PCDHA4: variants seen among roughly 807,000 people sequenced by gnomAD.
The protein encoded by PCDHA4 is protocadherin alpha-4.
PCDHA4 carries 49 observed loss-of-function variants against 61.4 expected under a neutral mutation model. The ratio of observed to expected loss-of-function variants is 0.80; its 90% CI spans 0.63 to 1.01. The LOEUF is 1.01. PCDHA4 is among the 50% of genes least tolerant of loss of function. The probability of loss-of-function intolerance (pLI) is 0.00; values close to 1 mark genes in which losing one functional copy is unlikely to be tolerated. For synonymous variants in PCDHA4, 590 were observed against 550.3 expected (o/e 1.07, Z -1.01); for missense variants, 1,254 against 1,235.8 (o/e 1.01, Z -0.22).
intron 1 of PCDHA4, chr5:140,828,067 G>T (rs2150150517): frequency 6.4e-7 from 1 of 1,560,564 alleles, no homozygotes; most frequent in Admixed American, 2.0e-5. Flanking sequence ...ATCTTCTAAT[G>T]GAAATAAAAC....
rs150822529 is a variant in PCDHA4 at position 140,836,094 on chromosome 5, G to A, written c.2385+26522G>A. 2.0e-4 allele frequency: 328 copies of A among 1,613,708 alleles called. No individual in the cohort carries two copies. Among genetic ancestry groups the A allele is most frequent in the Admixed American group, 3.7e-4 (22 of 60,012 alleles). ...GCCGGCACTGCTGGCGCCTCGGGTG[G>A]GTGGCACTGGTGGCGCAGTGAGAGA... On this transcript the variant is annotated intron_variant, in intron 1 of 3. Transcript: ENST00000530339.
At chr5:140,852,257 T>G (rs1417638818) in intron 1 of PCDHA4, 1 of 512,112 alleles carries the variant, frequency 2.0e-6, no homozygotes, top group Non-Finnish European at 2.6e-6. Context: ...TTTTGGAATA[T>G]GCTACAATAT....
chr5:140,937,071 T>G (rs2091308048), intron 1 of PCDHA4, among the ~76,000 whole-genome samples: 1 of 147,932 alleles, frequency 6.8e-6, no homozygotes, highest in African/African-American at 2.5e-5. Context: ...GGAGTCTCGC[T>G]CTGTCGCCCA....
chr5:140,988,403 C>T (rs1054317981), intron 3 of PCDHA4, among the ~76,000 whole-genome samples: 3 of 152,036 alleles, frequency 2.0e-5, no homozygotes, highest in African/African-American at 4.8e-5. Context: ...GAGTTCTCTT[C>T]GCAGCTTATG....
At position 140,807,738 on chromosome 5, in the gene PCDHA4, C is replaced by T. The variant is rs1764021976; in HGVS notation, c.551C>T (p.Pro184Leu). 1 of 1,614,082 alleles carries T rather than the reference C, an allele frequency of 6.2e-7. No homozygotes were observed. Among genetic ancestry groups the T allele is most frequent in the African/African-American group, 1.3e-5 (1 of 74,928 alleles). ...GAATACTTTTCTCTGGAAAAACCAC[C>T]TGATGACGAGCTGGTAAAAGGTCTT... ...PNEYFSLEKPPDDELVKGLGL... is the reference protein window; with the variant it reads ...PNEYFSLEKPLDDELVKGLGL... The change falls in exon 1 of 4, where the codon CCT (proline) becomes CTT (leucine). Residue 184 changes from proline to leucine, a missense_variant. By Grantham distance (98) the Pro-to-Leu change is moderately conservative. Coordinates refer to ENST00000530339, the MANE Select transcript of PCDHA4 (RefSeq NM_018907.4).
intron 3 of PCDHA4, among the ~76,000 whole-genome samples, chr5:140,998,021 C>T (rs2097794085): frequency 6.6e-6 from 1 of 152,152 alleles, no homozygotes; most frequent in Non-Finnish European, 1.5e-5. Context: ...CCACCTCGAG[C>T]TAGTGCTATA....
At chr5:140,904,214 C>T (rs2070953663) in intron 1 of PCDHA4, among the ~76,000 whole-genome samples, 1 of 151,882 alleles carries the variant, frequency 6.6e-6, no homozygotes, top group South Asian at 2.1e-4. Flanking sequence ...TCCCCAAAGT[C>T]CATTGTATTA....
At chr5:140,909,983 C>T (rs2074810620) in intron 1 of PCDHA4, among the ~76,000 whole-genome samples, 1 of 152,214 alleles carries the variant, frequency 6.6e-6, no homozygotes, top group Non-Finnish European at 1.5e-5. Context: ...GGGAGAAAGA[C>T]TAACAGCATA....
At chr5:140,960,405 C>T (rs2095547214) in intron 1 of PCDHA4, among the ~76,000 whole-genome samples, 1 of 151,828 alleles carries the variant, frequency 6.6e-6, no homozygotes, top group Non-Finnish European at 1.5e-5. Context: ...AGGGGGGGTG[C>T]CCAAAAAGTC....
intron 1 of PCDHA4, chr5:140,882,976 T>A: frequency 6.2e-7 from 1 of 1,614,220 alleles, no homozygotes; most frequent in South Asian, 1.1e-5. Context: ...TGGACGTGAA[T>A]GACAACGCCC....
At chr5:140,834,377 A>G (rs1445346495) in intron 1 of PCDHA4, 1 of 1,562,428 alleles carries the variant, frequency 6.4e-7, no homozygotes, top group Non-Finnish European at 8.7e-7. Flanking sequence ...CAAGCCAATA[A>G]TTTGAAATGG....
At chr5:140,876,283 G>A in intron 1 of PCDHA4, 1 of 1,614,056 alleles carries the variant, frequency 6.2e-7, no homozygotes. Flanking sequence ...CGATCCAGAC[G>A]AAGGACTTAA....
At position 140,822,973 on chromosome 5, in the gene PCDHA4, T is replaced by C. The variant is rs2150120901; in HGVS notation, c.2385+13401T>C. 64 of 1,614,248 alleles carry C rather than the reference T, an allele frequency of 4.0e-5. 1 individual carries two copies. The South Asian group carries it at 6.6e-4, about 17-fold the overall frequency. On this transcript the variant is annotated intron_variant, in intron 1 of 3. Coordinates refer to ENST00000530339, the MANE Select transcript of PCDHA4 (RefSeq NM_018907.4). ...CGTTCCCTTCAAGCTGGTGTCCACC[T>C]TCAAGAATTACTACTCGTTGGTGCT...
intron 1 of PCDHA4, chr5:140,864,514 A>ATTTTACTTCTTAATT (rs2048501242): frequency 6.6e-6 from 1 of 152,082 alleles, no homozygotes; most frequent in African/African-American, 2.4e-5. Context: ...TTTAAAGGTG[A>ATTTTACTTCTTAATT]TTTTACTTCT....
At chr5:140,836,782 A>G in intron 1 of PCDHA4, 2 of 1,475,536 alleles carry the variant, frequency 1.4e-6, no homozygotes, top group South Asian at 1.3e-5. Flanking sequence ...TAAAACAATT[A>G]GTTCAATTGG....
chr5:140,866,149 T>C (rs1554160036), intron 1 of PCDHA4: 1 of 152,130 alleles, frequency 6.6e-6, no homozygotes, highest in Non-Finnish European at 1.5e-5. Flanking sequence ...GGAAGTGATA[T>C]AAGTAAGAAT....
intron 3 of PCDHA4, among the ~76,000 whole-genome samples, chr5:141,003,897 T>G (rs1554259369): frequency 6.6e-6 from 1 of 152,132 alleles, no homozygotes; most frequent in Non-Finnish European, 1.5e-5. Flanking sequence ...ACAGGCCCAT[T>G]CATTTGGGTC....
chr5:140,934,373 T>G (rs1414749100), intron 1 of PCDHA4, among the ~76,000 whole-genome samples: 1 of 152,182 alleles, frequency 6.6e-6, no homozygotes, highest in African/African-American at 2.4e-5. Flanking sequence ...TGACTCCTTC[T>G]GTGGTTCTAT....
In PCDHA4 at chr5:140,834,624, A is replaced by C. The variant is rs2150222938; in HGVS notation, c.2385+25052A>C. On this transcript the variant is annotated intron_variant, in intron 1 of 3. Coordinates refer to ENST00000530339, the MANE Select transcript of PCDHA4 (RefSeq NM_018907.4). ...GGATCTTCTGGAGGTAAATCTGCAG[A>C]ATGGCATTTTGTTTGTGAATTCTCG... 3.7e-6 allele frequency: 6 copies of C among 1,614,104 alleles called. No individual in the cohort carries two copies. The South Asian group carries it at 6.6e-5, about 18-fold the overall frequency.
Sources: allele counts gnomAD v4.1 joint callset (sites outside exome capture counted in the v4.1 genomes callset), GRCh38; gene constraint gnomAD v4.1.1; transcripts MANE v1.5; gene names NCBI Gene and HGNC (gene_info 2026-07-23, HGNC 2026-07-21).